CNTNAP2: variants seen among roughly 807,000 people sequenced by gnomAD.
CNTNAP2 encodes the protein contactin associated protein 2.
A neutral mutation model predicts 155.2 loss-of-function variants in CNTNAP2; 98 were observed. The observed-to-expected ratio is 0.63, with a 90% CI of 0.54 to 0.75. The LOEUF (loss-of-function observed/expected upper bound fraction) is 0.75. Ranked by LOEUF, CNTNAP2 falls within the 30% of genes least tolerant of loss-of-function variation. The pLI, the probability that CNTNAP2 is intolerant of heterozygous loss-of-function variation, is 0.00. For synonymous variants in CNTNAP2, 651 were observed against 631.2 expected, an observed-to-expected ratio of 1.03 and a Z score of -0.47; for missense variants, 1,727 against 1,688.1, an observed-to-expected ratio of 1.02 and a Z score of -0.40.
At chr7:146,601,690 G>A (rs1179778988) in intron 1 of CNTNAP2, among the ~76,000 whole-genome samples, 2 of 152,042 alleles carry the variant, frequency 1.3e-5, no homozygotes, top group Non-Finnish European at 2.9e-5. Flanking sequence ...GGGAGAGCTA[G>A]CTCTATAAGA....
At chr7:148,265,464 A>G (rs1334294837) in intron 20 of CNTNAP2, among the ~76,000 whole-genome samples, 2 of 152,068 alleles carry the variant, frequency 1.3e-5, no homozygotes, top group Non-Finnish European at 2.9e-5. Flanking sequence ...TATAGAGATA[A>G]TGGTCTCACT....
At chr7:147,189,475 G>T (rs1802634446) in intron 8 of CNTNAP2, among the ~76,000 whole-genome samples, 1 of 152,042 alleles carries the variant, frequency 6.6e-6, no homozygotes, top group South Asian at 2.1e-4. Flanking sequence ...ACTTTGCTGA[G>T]AAAGTATCAG....
At chr7:146,411,870 T>G (rs1178421155) in intron 1 of CNTNAP2, among the ~76,000 whole-genome samples, 3 of 151,928 alleles carry the variant, frequency 2.0e-5, no homozygotes, top group African/African-American at 7.3e-5. Flanking sequence ...AGAGTCTCTC[T>G]CTGTTGCCCA....
chr7:146,566,976 T>A (rs1478589706), intron 1 of CNTNAP2, among the ~76,000 whole-genome samples: 1 of 152,212 alleles, frequency 6.6e-6, no homozygotes, highest in Non-Finnish European at 1.5e-5. Context: ...TTATGGCTTC[T>A]ACTTTCATAG....
chr7:146,515,583 C>T (rs1051606217), intron 1 of CNTNAP2, among the ~76,000 whole-genome samples: 2 of 152,022 alleles, frequency 1.3e-5, no homozygotes, highest in Non-Finnish European at 2.9e-5. Context: ...TGATATCACC[C>T]ACTTTTGTTG....
chr7:147,970,945 T>A (rs920422305), intron 14 of CNTNAP2, among the ~76,000 whole-genome samples: 1 of 152,210 alleles, frequency 6.6e-6, no homozygotes, highest in Admixed American at 6.5e-5. Flanking sequence ...ATCTTGACTC[T>A]TGTTAATGAA....
intron 18 of CNTNAP2, among the ~76,000 whole-genome samples, chr7:148,209,277 G>A (rs957823824): frequency 2.7e-5 from 4 of 148,462 alleles, no homozygotes; most frequent in Non-Finnish European, 4.4e-5. Flanking sequence ...CCACCACACC[G>A]GCTATTTTTT....
chr7:148,307,732 C>T (rs931781946), intron 21 of CNTNAP2, among the ~76,000 whole-genome samples: 20 of 152,038 alleles, frequency 1.3e-4, no homozygotes, highest in African/African-American at 4.6e-4. Context: ...ATTTGGGAGG[C>T]GGAGGTGGGC....
intron 21 of CNTNAP2, among the ~76,000 whole-genome samples, chr7:148,342,434 G>A (rs1330448802): frequency 6.6e-6 from 1 of 152,156 alleles, no homozygotes; most frequent in African/African-American, 2.4e-5. Flanking sequence ...TCCTGTAAGT[G>A]TTCTTTCTGT....
At chr7:146,276,058 A>G (rs551048722) in intron 1 of CNTNAP2, among the ~76,000 whole-genome samples, 1 of 152,334 alleles carries the variant, frequency 6.6e-6, no homozygotes, top group East Asian at 1.9e-4. Flanking sequence ...ACCAGAGGAG[A>G]TGAATGCAAA....
intron 1 of CNTNAP2, among the ~76,000 whole-genome samples, chr7:146,235,589 C>T (rs1799459077): frequency 6.6e-6 from 1 of 152,174 alleles, no homozygotes; most frequent in African/African-American, 2.4e-5. Context: ...GCATCATCTT[C>T]TCTGGGGCAT....
intron 1 of CNTNAP2, among the ~76,000 whole-genome samples, chr7:146,666,098 A>G (rs1367074897): frequency 1.3e-5 from 2 of 152,036 alleles, no homozygotes; most frequent in African/African-American, 2.4e-5. Flanking sequence ...TATTCTTCTC[A>G]TCTAGCAGTA....
At chr7:148,192,827 C>T (rs763849031) in intron 18 of CNTNAP2, among the ~76,000 whole-genome samples, 5 of 152,106 alleles carry the variant, frequency 3.3e-5, no homozygotes, top group Non-Finnish European at 5.9e-5. Flanking sequence ...CTATTGCTTT[C>T]TTATGAAATA....
At chr7:148,251,400 C>A (rs765167617) in intron 20 of CNTNAP2, among the ~76,000 whole-genome samples, 1 of 152,230 alleles carries the variant, frequency 6.6e-6, no homozygotes, top group Admixed American at 6.5e-5. Flanking sequence ...ACCCTCCCTG[C>A]ACATCAGTGT....
intron 13 of CNTNAP2, among the ~76,000 whole-genome samples, chr7:147,881,113 G>T (rs879260153): frequency 5.3e-5 from 8 of 152,118 alleles, no homozygotes; most frequent in Non-Finnish European, 8.8e-5. Context: ...CTGATATCCT[G>T]TATTTTTCCA....
intron 15 of CNTNAP2, among the ~76,000 whole-genome samples, chr7:148,082,490 A>T (rs2116549890): frequency 6.6e-6 from 1 of 152,230 alleles, no homozygotes; most frequent in East Asian, 1.9e-4. Context: ...GGAAGGAGAT[A>T]GAGGAGGAGT....
chr7:147,796,661 TA>T (rs1159317128), intron 13 of CNTNAP2, among the ~76,000 whole-genome samples: 2 of 151,712 alleles, frequency 1.3e-5, no homozygotes, highest in Non-Finnish European at 2.9e-5. Flanking sequence ...AACAATTGAA[TA>T]CGCATAAAAC....
chr7:147,033,150 ATATATATATG>A (rs1345139328), intron 3 of CNTNAP2, among the ~76,000 whole-genome samples: 5 of 89,580 alleles, frequency 5.6e-5, no homozygotes, highest in African/African-American at 1.7e-4. Flanking sequence ...ATTGCTGCAT[ATATATATATG>A]TATATATATA....
At position 148,338,859 on chromosome 7, in the gene CNTNAP2, T is replaced by C. The variant is rs535290268; in HGVS notation, c.3476-44790T>C. ...GGAGAAGGGGAAGAGAAAGGGGAGG[T>C]GGAAGAAGAAAAAACCACCATCAGA... On this transcript the variant is annotated intron_variant, in intron 21 of 23. Coordinates refer to ENST00000361727, the MANE Select transcript of CNTNAP2 (RefSeq NM_014141.6). Among the ~76,000 whole-genome samples, 4 of 150,506 alleles carry C rather than the reference T, an allele frequency of 2.7e-5. No homozygotes were observed. In the South Asian group the frequency reaches 8.4e-4, roughly 32 times the overall value.
Sources: allele counts gnomAD v4.1 joint callset (sites outside exome capture counted in the v4.1 genomes callset), GRCh38; gene constraint gnomAD v4.1.1; transcripts MANE v1.5; gene names NCBI Gene and HGNC (gene_info 2026-07-23, HGNC 2026-07-21).